GABRR3: variants seen among roughly 807,000 people sequenced by gnomAD.
The protein encoded by GABRR3 is gamma-aminobutyric acid type A receptor subunit rho3.
Under a neutral mutation model 43.2 loss-of-function variants are expected in GABRR3, and 29 were observed. The observed-to-expected ratio is 0.67, with a 90% CI of 0.50 to 0.92. The LOEUF is 0.92. Among genes scored for constraint, GABRR3 ranks in the 40% least tolerant of loss-of-function variants. GABRR3 has a pLI of 0.00. For synonymous variants in GABRR3, 206 were observed against 195.9 expected (o/e 1.05, Z -0.43); for missense variants, 576 against 572.3 (o/e 1.01, Z -0.07).
rs1707136358 is a variant in GABRR3 at position 98,035,170 on chromosome 3, A to G, written c.-3+20T>C. The G allele has an allele frequency of 3.1e-6, 2 of 639,952 alleles. No homozygotes were observed. Among genetic ancestry groups the G allele is most frequent in the Non-Finnish European group, 5.1e-6 (2 of 394,004 alleles). The allele number at this position is 639,952 out of a possible 1,614,324, so 39.6% of individuals were successfully genotyped here. A position where few individuals can be genotyped will look rare whatever the true frequency, so the allele number is the denominator to read the frequency against. On this transcript the variant is annotated intron_variant, in intron 1 of 9. Transcript: ENST00000621172. ...TTAGCAGATTAAATTGACTCACAGC[A>G]CTTACAGGCAAATATCTACCTGGAT...
chr3:98,000,978 T>C (rs1419287877), intron 8 of GABRR3: 1 of 152,476 alleles, frequency 6.6e-6, no homozygotes, highest in Non-Finnish European at 1.5e-5. Flanking sequence ...TTAGACGGTG[T>C]AGATAATCAA....
At chr3:97,988,475 G>A (rs929136079) in intron 9 of GABRR3, among the ~76,000 whole-genome samples, 17 of 152,156 alleles carry the variant, frequency 1.1e-4, no homozygotes, top group African/African-American at 2.9e-4. Flanking sequence ...TGAGTGTCTC[G>A]GGGAGAGAGG....
At chr3:98,016,605 T>A (rs755275988) in intron 4 of GABRR3, among the ~76,000 whole-genome samples, 8 of 152,064 alleles carry the variant, frequency 5.3e-5, no homozygotes, top group Non-Finnish European at 1.0e-4. Flanking sequence ...GTGCTGAAAA[T>A]TTGAAGCTGT....
At chr3:98,005,912 T>C (rs921752001) in intron 7 of GABRR3, among the ~76,000 whole-genome samples, 2 of 152,172 alleles carry the variant, frequency 1.3e-5, no homozygotes, top group South Asian at 4.1e-4. Context: ...ATTTACAATT[T>C]ATCATATGCC....
chr3:98,008,676 CT>C (rs1706751789), intron 6 of GABRR3, among the ~76,000 whole-genome samples: 1 of 151,572 alleles, frequency 6.6e-6, no homozygotes, highest in Non-Finnish European at 1.5e-5. Context: ...CAAGAATAGA[CT>C]TTTTAGGGAG....
At chr3:98,007,691 C>T (rs1157843229) in intron 7 of GABRR3, 73 bp downstream of exon 7, 26 of 1,538,196 alleles carry the variant, frequency 1.7e-5, no homozygotes, top group East Asian at 6.8e-5. Flanking sequence ...CCGGTCTTTT[C>T]GCATGTTGTG....
At chr3:97,992,946 C>G in exon 9 of GABRR3, 1 of 1,613,668 alleles carries the variant, frequency 6.2e-7, no homozygotes, top group Non-Finnish European at 8.5e-7. Flanking sequence ...AAAGAGGGAG[C>G]TGACCCACAG....
intron 4 of GABRR3, among the ~76,000 whole-genome samples, chr3:98,013,841 G>A (rs913627510): frequency 4.6e-5 from 7 of 152,298 alleles, no homozygotes; most frequent in African/African-American, 1.7e-4. Flanking sequence ...TTTAGAATTA[G>A]ATGCTCAGTG....
At chr3:98,034,811 T>G in intron 2 of GABRR3, 52 bp downstream of exon 2, 1 of 1,604,276 alleles carries the variant, frequency 6.2e-7, no homozygotes, top group Non-Finnish European at 8.5e-7. Flanking sequence ...CTGAGACAAC[T>G]GTTGAGAGAA....
chr3:98,017,690 C>T (rs1706887919), exon 4 of GABRR3: 1 of 1,611,180 alleles, frequency 6.2e-7, no homozygotes, highest in Non-Finnish European at 8.5e-7. Flanking sequence ...ATGCTTTCAA[C>T]ATGGACATCT....
At chr3:98,012,860 G>A (rs140708129) in intron 4 of GABRR3, among the ~76,000 whole-genome samples, 1 of 152,262 alleles carries the variant, frequency 6.6e-6, no homozygotes, top group East Asian at 1.9e-4. Context: ...AAGCATTCTG[G>A]TAAATAACCT....
chr3:98,021,500 T>G (rs560131524), intron 3 of GABRR3, among the ~76,000 whole-genome samples: 1 of 152,300 alleles, frequency 6.6e-6, no homozygotes, highest in Non-Finnish European at 1.5e-5. Flanking sequence ...TGGTACCTAC[T>G]TTTTGGGTTG....
chr3:98,009,833 C>T (rs1288229489), intron 5 of GABRR3, among the ~76,000 whole-genome samples: 1 of 152,226 alleles, frequency 6.6e-6, no homozygotes, highest in Non-Finnish European at 1.5e-5. Context: ...TGGGCTAATT[C>T]TATTGTCAAT....
intron 5 of GABRR3, 89 bp from the exon 6 acceptor site, chr3:98,009,127 C>T (rs2107237427): frequency 2.5e-6 from 2 of 815,178 alleles, no homozygotes; most frequent in East Asian, 2.8e-5. Flanking sequence ...TTACTGTTTG[C>T]TGGTTCTGTG....
intron 8 of GABRR3, among the ~76,000 whole-genome samples, chr3:97,995,302 T>C (rs1169936260): frequency 1.3e-5 from 2 of 152,208 alleles, no homozygotes; most frequent in East Asian, 3.8e-4. Context: ...TCTTCTCTTA[T>C]TGGTTTTTTA....
intron 9 of GABRR3, among the ~76,000 whole-genome samples, chr3:97,988,959 G>A (rs1384349512): frequency 6.7e-6 from 1 of 150,302 alleles, no homozygotes; most frequent in Non-Finnish European, 1.5e-5. Flanking sequence ...GTAGGTGGTG[G>A]TGGGGGTGGT....
chr3:98,030,788 T>C (rs1377626168), intron 2 of GABRR3, among the ~76,000 whole-genome samples: 3 of 152,172 alleles, frequency 2.0e-5, no homozygotes, highest in South Asian at 2.1e-4. Flanking sequence ...ACACTGAAAC[T>C]CAGCTAACTG....
chr3:97,999,109 G>A (rs1442907334), intron 8 of GABRR3: 1 of 152,120 alleles, frequency 6.6e-6, no homozygotes, highest in Non-Finnish European at 1.5e-5. Context: ...GAGGAAAAGT[G>A]AAGAGAATAA....
At chr3:98,022,250 G>T (rs1289552342) in intron 3 of GABRR3, among the ~76,000 whole-genome samples, 2 of 152,170 alleles carry the variant, frequency 1.3e-5, no homozygotes, top group Non-Finnish European at 2.9e-5. Flanking sequence ...TAAAGAAAAT[G>T]AGCTGCAATT....
Sources: allele counts gnomAD v4.1 joint callset (sites outside exome capture counted in the v4.1 genomes callset), GRCh38; gene constraint gnomAD v4.1.1; transcripts MANE v1.5; gene names NCBI Gene and HGNC (gene_info 2026-07-23, HGNC 2026-07-21).